The following CEP72 variants were observed in gnomAD, a reference collection of about 807,000 sequenced individuals.
CEP72 encodes centrosomal protein 72, also known as centrosomal protein of 72 kDa.
A neutral mutation model predicts 65.7 loss-of-function variants in CEP72; 78 were observed. That is an observed-to-expected ratio of 1.19 (90% CI 0.99 to 1.43). The LOEUF is 1.43. CEP72 is among the 40% of genes most tolerant of loss of function. The pLI, the probability that CEP72 is intolerant of heterozygous loss-of-function variation, is 0.00. For missense variants in CEP72, 914 were observed against 832.9 expected, an observed-to-expected ratio of 1.10 and a Z score of -1.20; for synonymous variants, 358 against 351.7, an observed-to-expected ratio of 1.02 and a Z score of -0.20.
rs532399813 is a variant in CEP72, at chr5:625,868, G to A, written c.512+1289G>A. On this transcript the variant is annotated intron_variant, in intron 4 of 11. Transcript: ENST00000264935. ...TGTCTCTTCACAGAATCTCTCCTCC[G>A]TGCCTGTCTCTCTACGGGGCCAGGT... 1.4e-4 allele frequency among the ~76,000 whole-genome samples: 22 copies of A among 152,158 alleles called. 1 individual carries two copies. The highest frequency in any genetic ancestry group is 6.2e-4 in the South Asian group (3 of 4,814).
chr5:649,027 G>A (rs1269890754), intron 11 of CEP72, among the ~76,000 whole-genome samples: 1 of 149,898 alleles, frequency 6.7e-6, no homozygotes, highest in African/African-American at 2.5e-5. Context: ...TATCAACCCT[G>A]AGTGTGAGGT....
At position 633,565 on chromosome 5, in the gene CEP72, G is replaced by A. The variant is rs533947849; in HGVS notation, c.513-204G>A. The stretch of plus-strand genomic sequence containing the variant: ...TGCCGGGATGCTGTCATGTTATCAC[G>A]TAACCTGGCTGTTGCTCACCGATTG... On this transcript the variant is annotated intron_variant, in intron 4 of 11. Coordinates refer to ENST00000264935, the MANE Select transcript of CEP72 (RefSeq NM_018140.4). 5.9e-5 allele frequency among the ~76,000 whole-genome samples: 9 copies of A among 152,390 alleles called. No homozygotes were observed. The East Asian group carries it at 7.7e-4, about 13-fold the overall frequency.
At chr5:662,117 C>T (rs1739647850) in intron 1 of CEP72, 1 of 152,572 alleles carries the variant, frequency 6.6e-6, no homozygotes, top group East Asian at 1.9e-4. Context: ...GTGAAGGGAC[C>T]ACTTCTGTGA....
At chr5:669,472 C>G (rs1740110669), downstream of CEP72, among the ~76,000 whole-genome samples, 1 of 152,148 alleles carries the variant, frequency 6.6e-6, no homozygotes, top group Non-Finnish European at 1.5e-5. Flanking sequence ...GGGGTGTTGA[C>G]TCTCTGGGGC....
downstream of CEP72, among the ~76,000 whole-genome samples, chr5:654,376 C>T (rs1469814433): frequency 2.1e-5 from 3 of 145,122 alleles, no homozygotes; most frequent in East Asian, 2.1e-4. Flanking sequence ...TGTGTGTGCA[C>T]GCGTTGTGTA....
At chr5:637,384 A>T (rs1052922550) in intron 6 of CEP72, 133 bp from the exon 7 acceptor site, 8 of 727,306 alleles carry the variant, frequency 1.1e-5, no homozygotes, top group Admixed American at 2.4e-5. Context: ...GTGTGCGTGT[A>T]CATATGTAAG....
chr5:657,766 A>T (rs1739416394), downstream of CEP72, among the ~76,000 whole-genome samples: 1 of 152,228 alleles, frequency 6.6e-6, no homozygotes, highest in African/African-American at 2.4e-5. Context: ...CGTCACTGTG[A>T]TAGCTTCCCT....
chr5:665,123 C>T, intron 2 of CEP72: 1 of 1,611,914 alleles, frequency 6.2e-7, no homozygotes, highest in Non-Finnish European at 8.5e-7. Flanking sequence ...CTTGCACCTT[C>T]TGGTCGTAGG....
rs565742565 is a variant in CEP72 at position 637,475 on chromosome 5, A to C, written c.905-42A>C. On this transcript the variant is annotated intron_variant, in intron 6 of 11. Coordinates refer to ENST00000264935, the MANE Select transcript of CEP72 (RefSeq NM_018140.4). ...TTACAGTGCTGAACACTGCACCCAGAGAATTTGGCCTGACGTGCGCCCCAT... is the reference window on the plus strand; with the variant it reads ...TTACAGTGCTGAACACTGCACCCAGCGAATTTGGCCTGACGTGCGCCCCAT... 1.1e-4 allele frequency: 177 copies of C among 1,567,120 alleles called. No individual in the cohort carries two copies. The South Asian group carries it at 1.2e-3, about 11-fold the overall frequency.
chr5:646,428 T>A (rs1014112350), intron 10 of CEP72, among the ~76,000 whole-genome samples: 3 of 152,236 alleles, frequency 2.0e-5, no homozygotes, highest in Non-Finnish European at 4.4e-5. Flanking sequence ...ACATGAAAAT[T>A]GTGCTTCTGG....
intron 1 of CEP72, 185 bp downstream of exon 1, chr5:612,628 G>A: frequency 1.0e-6 from 1 of 985,352 alleles, no homozygotes; most frequent in Non-Finnish European, 1.2e-6. Flanking sequence ...CCGTGCCCAG[G>A]TGCGGCCCCT....
intron 11 of CEP72, 111 bp downstream of exon 11, chr5:648,027 G>C (rs1200590366): frequency 1.5e-6 from 1 of 659,502 alleles, no homozygotes; most frequent in African/African-American, 1.8e-5. Flanking sequence ...AGCTCCTCAT[G>C]AGTCTTGGCC....
At chr5:653,981 G>GTGTGTGTGTGCCCTTGC (rs1739270913), downstream of CEP72, among the ~76,000 whole-genome samples, 1 of 91,722 alleles carries the variant, frequency 1.1e-5, no homozygotes, top group Non-Finnish European at 2.2e-5. Context: ...CCCTTGCTGT[G>GTGTGTGTGTGCCCTTGC]TGTGTGTGTG....
downstream of CEP72, among the ~76,000 whole-genome samples, chr5:658,465 C>T (rs987358844): frequency 4.6e-5 from 7 of 152,120 alleles, no homozygotes; most frequent in East Asian, 3.9e-4. Context: ...TCTTCATATT[C>T]GTTATTTGAA....
chr5:628,084 A>G (rs2126758873), intron 4 of CEP72, among the ~76,000 whole-genome samples: 1 of 152,354 alleles, frequency 6.6e-6, no homozygotes, highest in South Asian at 2.1e-4. Context: ...ATGAGAACAG[A>G]ATATGCTTCA....
exon 4 of CEP72, chr5:666,021 G>T (rs370221297): frequency 2.9e-5 from 46 of 1,592,670 alleles, no homozygotes; most frequent in Non-Finnish European, 3.7e-5. Flanking sequence ...TGTGCACCTC[G>T]CGAACGGCCT....
downstream of CEP72, among the ~76,000 whole-genome samples, chr5:654,455 C>CTGTGTG (rs70955277): frequency 8.4e-4 from 125 of 149,018 alleles, no homozygotes; most frequent in East Asian, 2.8e-3. Flanking sequence ...GTGTGTGCTT[C>CTGTGTG]TGTGTGTGTG....
chr5:649,806 G>A (rs1446571774), intron 11 of CEP72, among the ~76,000 whole-genome samples: 4 of 95,204 alleles, frequency 4.2e-5, no homozygotes, highest in African/African-American at 7.8e-5. Flanking sequence ...TGACTGTGAG[G>A]TGTGACTGTG....
intron 4 of CEP72, 25 bp from the exon 5 acceptor site, chr5:633,744 C>G: frequency 6.2e-7 from 1 of 1,611,198 alleles, no homozygotes. Flanking sequence ...TTGAGTGATG[C>G]TGATGAGTTT....
Sources: allele counts gnomAD v4.1 joint callset (sites outside exome capture counted in the v4.1 genomes callset), GRCh38; gene constraint gnomAD v4.1.1; transcripts MANE v1.5; gene names NCBI Gene and HGNC (gene_info 2026-07-23, HGNC 2026-07-21).